CFAP97D2: variants seen among roughly 807,000 people sequenced by gnomAD.
CFAP97D2 encodes the protein CFAP97 domain containing 2, also known as uncharacterized protein CFAP97D2.
chr13:114,210,394 G>A (rs1223204282), intron 3 of CFAP97D2, among the ~76,000 whole-genome samples: 2 of 152,128 alleles, frequency 1.3e-5, no homozygotes, highest in Admixed American at 1.3e-4. Flanking sequence ...TGACTTTGCT[G>A]ATTTTGACCC....
chr13:114,209,752 C>T (rs1242547663), intron 3 of CFAP97D2, among the ~76,000 whole-genome samples: 1 of 152,224 alleles, frequency 6.6e-6, no homozygotes, highest in African/African-American at 2.4e-5. Flanking sequence ...GTGTGTTGAC[C>T]TGTCTACTGT....
intron 2 of CFAP97D2, among the ~76,000 whole-genome samples, chr13:114,198,951 T>C (rs9525304): frequency 0.97 from 25,411 of 26,268 alleles, 12,355 homozygotes; most frequent in East Asian, 0.97. Flanking sequence ...TGAGGTGTGA[T>C]GGCGCGTCCC....
rs2080861580 is a variant in CFAP97D2, at chr13:114,189,367, G to A, written c.91-7029G>A. ...ATTAAACTTCCAAAACAGAACACTG[G>A]GCCCAGATGGGTTCATTGGCAAATT... On this transcript the variant is annotated intron_variant, in intron 1 of 4. Transcript: ENST00000646158. The surrounding 1 kb of genome is among the most constrained non-coding windows in gnomAD (Gnocchi z 4.5). 6.6e-6 allele frequency among the ~76,000 whole-genome samples: 1 copy of A among 152,022 alleles called. No homozygotes were observed. The highest frequency in any genetic ancestry group is 6.6e-5 in the Admixed American group (1 of 15,262).
chr13:114,210,446 G>A (rs1359694497), intron 3 of CFAP97D2, among the ~76,000 whole-genome samples: 3 of 152,050 alleles, frequency 2.0e-5, no homozygotes, highest in East Asian at 1.9e-4. Context: ...AGTTTGATCC[G>A]ATCTAACCCT....
chr13:114,192,069 T>A (rs1045402441), intron 1 of CFAP97D2, among the ~76,000 whole-genome samples: 1 of 5,660 alleles, frequency 1.8e-4, no homozygotes, highest in Non-Finnish European at 3.8e-4. Context: ...GGTGGGTGGG[T>A]GGGTGGGGGG....
intron 3 of CFAP97D2, among the ~76,000 whole-genome samples, chr13:114,208,316 C>T (rs1311371228): frequency 1.3e-5 from 2 of 152,150 alleles, no homozygotes; most frequent in Non-Finnish European, 2.9e-5. Context: ...TTAACTTTTT[C>T]GTGCCACGAC....
intron 1 of CFAP97D2, among the ~76,000 whole-genome samples, chr13:114,192,693 TATGA>T (rs1213004182): frequency 2.0e-5 from 3 of 152,196 alleles, no homozygotes; most frequent in Non-Finnish European, 2.9e-5. Flanking sequence ...CAATCTCACG[TATGA>T]ATATCAATAT....
At chr13:114,195,233 G>T (rs146238369) in intron 1 of CFAP97D2, among the ~76,000 whole-genome samples, 6 of 152,356 alleles carry the variant, frequency 3.9e-5, no homozygotes, top group African/African-American at 1.4e-4. Context: ...AGAGGAGCCT[G>T]TAAAAAGTGA....
rs59701834 is a variant in CFAP97D2, at chr13:114,222,468, G to A, written c.481-30G>A. The A allele has an allele frequency of 0.039, 15,444 of 398,490 alleles. 558 individuals are homozygous for A. Among genetic ancestry groups the A allele is most frequent in the African/African-American group, 0.13 (6,145 of 48,688 alleles). The allele number at this position is 398,490 out of a possible 1,614,324, so 24.7% of individuals were successfully genotyped here. A position where few individuals can be genotyped will look rare whatever the true frequency, so the allele number is the denominator to read the frequency against. On this transcript the variant is annotated intron_variant, in intron 4 of 4. Coordinates refer to ENST00000646158, the Ensembl canonical transcript of CFAP97D2. This position sits in a 1 kb window ranked among gnomAD's most constrained non-coding sequence, Gnocchi z 4.4. ...GTTTCTTGTTCTTGCCTAAGAAAGC[G>A]TTAGTTTCAAATATGTATTTTAAAT...
rs371665346 is a variant in CFAP97D2, at chr13:114,185,837, G to A, written c.90+6417G>A. 4.6e-5 allele frequency among the ~76,000 whole-genome samples: 7 copies of A among 152,348 alleles called. No homozygotes were observed. Among genetic ancestry groups the A allele is most frequent in the South Asian group, 2.1e-4 (1 of 4,830 alleles). On this transcript the variant is annotated intron_variant, in intron 1 of 4. Coordinates refer to ENST00000646158, the Ensembl canonical transcript of CFAP97D2. The surrounding 1 kb of genome is among the most constrained non-coding windows in gnomAD (Gnocchi z 5.2). ...CAGAGGACAGCACAGTGCTGGCTGC[G>A]TGCCTCTTGGCATGAACAGCCTGCG...
At position 114,189,895 on chromosome 13, in the gene CFAP97D2, A is replaced by C. The variant is rs2080863269; in HGVS notation, c.91-6501A>C. Among the ~76,000 whole-genome samples the C allele has an allele frequency of 6.6e-6, 1 of 152,162 alleles. No individual in the cohort carries two copies. Among genetic ancestry groups the C allele is most frequent in the Admixed American group, 6.6e-5 (1 of 15,266 alleles). On this transcript the variant is annotated intron_variant, in intron 1 of 4. Coordinates refer to ENST00000646158, the Ensembl canonical transcript of CFAP97D2. The surrounding 1 kb of genome is among the most constrained non-coding windows in gnomAD (Gnocchi z 4.5). ...TGGTGGCTCGCCCTGTAATCAGAACACTTTGGGTGGCTGAAGAGGGAGGAT... is the reference window on the plus strand; with the variant it reads ...TGGTGGCTCGCCCTGTAATCAGAACCCTTTGGGTGGCTGAAGAGGGAGGAT...
At chr13:114,183,535 A>G (rs1265366651) in intron 1 of CFAP97D2, among the ~76,000 whole-genome samples, 6 of 152,084 alleles carry the variant, frequency 3.9e-5, no homozygotes, top group Admixed American at 3.9e-4. Flanking sequence ...ATCCAAGGTT[A>G]AGGCACCAGC....
At chr13:114,192,419 A>T (rs948233671) in intron 1 of CFAP97D2, among the ~76,000 whole-genome samples, 27 of 152,186 alleles carry the variant, frequency 1.8e-4, no homozygotes, top group African/African-American at 5.6e-4. Flanking sequence ...AATTTTTTTT[A>T]AATCGCAAAC....
In CFAP97D2 at chr13:114,208,144, G is replaced by T. The variant is rs563488277; in HGVS notation, c.291-3768G>T. On this transcript the variant is annotated intron_variant, in intron 3 of 4. Transcript: ENST00000646158. ...AAATTGTCAGGTTCTCTGCTCCTTG[G>T]TTTCCCCATGTATAAAATAGGAACT... Among the ~76,000 whole-genome samples the T allele has an allele frequency of 1.2e-4, 19 of 152,216 alleles. No homozygotes were observed. In the South Asian group the frequency reaches 3.9e-3, roughly 32 times the overall value.
intron 4 of CFAP97D2, chr13:114,215,519 A>G (rs1029010723): frequency 9.2e-5 from 14 of 152,182 alleles, no homozygotes; most frequent in African/African-American, 3.1e-4. Context: ...CTCTTCTAAT[A>G]CTATAAGTTT....
At position 114,186,259 on chromosome 13, in the gene CFAP97D2, G is replaced by A. The variant is rs2080853101; in HGVS notation, c.90+6839G>A. 6.6e-6 allele frequency among the ~76,000 whole-genome samples: 1 copy of A among 152,192 alleles called. No individual in the cohort carries two copies. Among genetic ancestry groups the A allele is most frequent in the Admixed American group, 6.5e-5 (1 of 15,286 alleles). On this transcript the variant is annotated intron_variant, in intron 1 of 4. Coordinates refer to ENST00000646158, the Ensembl canonical transcript of CFAP97D2. This position sits in a 1 kb window ranked among gnomAD's most constrained non-coding sequence, Gnocchi z 4.3. Reference sequence around the variant, plus strand: ...CTCTCTGCTGAGAGCTGAGACGTCAGGACAACCAGCTTCAGGGAGGAGCTA... The same window carrying A: ...CTCTCTGCTGAGAGCTGAGACGTCAAGACAACCAGCTTCAGGGAGGAGCTA...
Position 114,212,185 on chromosome 13 carries a change from ACTCACTC to A in CFAP97D2, c.480+85_480+91del, listed in dbSNP as rs1302628344. 1.3e-5 allele frequency: 5 copies of A among 397,804 alleles called. No homozygotes were observed. In the East Asian group the frequency reaches 1.8e-4, roughly 14 times the overall value. 24.6% of individuals were successfully genotyped at this position (397,804 alleles called of 1,614,324 possible). On this transcript the variant is annotated intron_variant, in intron 4 of 4. Transcript: ENST00000646158. ...TTCATCAGATTCATCAGAATTATGT[ACTCACTC>A]ATTCTTTGCCGTATTAGAGCATTTT...
intron 1 of CFAP97D2, among the ~76,000 whole-genome samples, chr13:114,195,320 G>A (rs759536075): frequency 3.3e-5 from 5 of 152,202 alleles, no homozygotes; most frequent in Non-Finnish European, 4.4e-5. Flanking sequence ...CAGCTCCTAA[G>A]TGTGCTCTGT....
intron 3 of CFAP97D2, among the ~76,000 whole-genome samples, chr13:114,210,804 C>T (rs1397425090): frequency 6.6e-6 from 1 of 151,916 alleles, no homozygotes; most frequent in Non-Finnish European, 1.5e-5. Flanking sequence ...CCAACAGTGC[C>T]TCCCTCTCAG....
Sources: gnomAD v4.1 joint callset for allele counts (sites outside exome capture counted in the v4.1 genomes callset) on GRCh38, gnomAD v4.1.1 for gene constraint, Gnocchi (gnomAD v3.1) non-coding constraint, MANE v1.5 for transcripts, NCBI Gene and HGNC (gene_info 2026-07-23, HGNC 2026-07-21) for gene names.